LMNTD1: variants seen among roughly 807,000 people sequenced by gnomAD.
LMNTD1 encodes the protein lamin tail domain containing 1.
Under a neutral mutation model 50.9 loss-of-function variants are expected in LMNTD1, and 35 were observed. The ratio of observed to expected loss-of-function variants is 0.69; its 90% CI spans 0.53 to 0.91. LMNTD1 has a LOEUF of 0.91. LMNTD1 is among the 40% of genes least tolerant of loss of function. LMNTD1 has a pLI of 0.00. For synonymous variants in LMNTD1, 153 were observed against 161.9 expected, an observed-to-expected ratio of 0.94 and a Z score of 0.42; for missense variants, 470 against 475.5, an observed-to-expected ratio of 0.99 and a Z score of 0.11.
chr12:25,525,609 GC>G (rs979369624), intron 6 of LMNTD1, among the ~76,000 whole-genome samples: 3 of 152,088 alleles, frequency 2.0e-5, no homozygotes, highest in Admixed American at 6.6e-5. Context: ...TAACTCTTGG[GC>G]CCTTTGACAT....
intron 4 of LMNTD1, among the ~76,000 whole-genome samples, chr12:25,531,491 A>T (rs1332535071): frequency 6.6e-6 from 1 of 152,102 alleles, no homozygotes; most frequent in East Asian, 1.9e-4. Flanking sequence ...GCCAGCCAAT[A>T]TTTTTGTTGT....
intron 9 of LMNTD1, among the ~76,000 whole-genome samples, chr12:25,489,363 A>G (rs1938800956): frequency 6.6e-6 from 1 of 151,396 alleles, no homozygotes; most frequent in South Asian, 2.1e-4. Context: ...TGAAAAGCGC[A>G]ATATTCGGGT....
intron 1 of LMNTD1, among the ~76,000 whole-genome samples, chr12:25,578,846 C>T (rs1945148649): frequency 6.6e-6 from 1 of 152,082 alleles, no homozygotes; most frequent in Non-Finnish European, 1.5e-5. Context: ...ACAATGAAAT[C>T]CAAATAAGCA....
chr12:25,619,246 CTCTCTCTA>C (rs1311373977), intron 1 of LMNTD1, among the ~76,000 whole-genome samples: 2,435 of 75,674 alleles, frequency 0.032, 20 homozygotes, highest in Middle Eastern at 0.041. Flanking sequence ...CTCTCTCTCT[CTCTCTCTA>C]TATATATATA....
At chr12:25,564,430 T>C (rs1229692030) in intron 1 of LMNTD1, among the ~76,000 whole-genome samples, 1 of 152,126 alleles carries the variant, frequency 6.6e-6, no homozygotes, top group African/African-American at 2.4e-5. Context: ...GACTAATTTT[T>C]GTATTTTTAG....
chr12:25,494,083 G>A (rs1209475922), intron 9 of LMNTD1, among the ~76,000 whole-genome samples: 2 of 152,154 alleles, frequency 1.3e-5, no homozygotes, highest in African/African-American at 4.8e-5. Context: ...CTGCATAGTA[G>A]GAGGCATAAG....
At chr12:25,549,302 A>G (rs1461630958) in intron 3 of LMNTD1, 24 bp downstream of exon 3, 9 of 1,347,192 alleles carry the variant, frequency 6.7e-6, no homozygotes, top group Non-Finnish European at 9.5e-6. Context: ...TACTCTAAAA[A>G]TATGGGTTCC....
At chr12:25,627,394 C>T (rs1946612990) in intron 1 of LMNTD1, among the ~76,000 whole-genome samples, 1 of 152,052 alleles carries the variant, frequency 6.6e-6, no homozygotes, top group Admixed American at 6.6e-5. Flanking sequence ...TGACTTTTTT[C>T]CCCAAAGTAC....
chr12:25,484,938 T>C (rs1938573061), intron 9 of LMNTD1, among the ~76,000 whole-genome samples: 2 of 151,648 alleles, frequency 1.3e-5, no homozygotes, highest in Admixed American at 1.3e-4. Context: ...AAGTCTTTGC[T>C]ATTGTGAATA....
At chr12:25,645,431 C>T (rs1437299575) in intron 1 of LMNTD1, among the ~76,000 whole-genome samples, 4 of 152,102 alleles carry the variant, frequency 2.6e-5, no homozygotes, top group Non-Finnish European at 1.5e-5. Flanking sequence ...GACCATTAGA[C>T]ATATTTCCAC....
intron 1 of LMNTD1, among the ~76,000 whole-genome samples, chr12:25,576,938 T>C (rs1455552718): frequency 1.3e-5 from 2 of 152,308 alleles, no homozygotes; most frequent in East Asian, 3.9e-4. Flanking sequence ...GCACCATTTA[T>C]TAAATAGGGA....
chr12:25,526,856 A>G lies in LMNTD1; in HGVS notation c.591T>C (p.His197=). The G allele has an allele frequency of 6.2e-7, 1 of 1,613,340 alleles. No individual in the cohort carries two copies. Among genetic ancestry groups the G allele is most frequent in the Non-Finnish European group, 8.5e-7 (1 of 1,179,418 alleles). The change falls in exon 5 of 10, where the codon CAT becomes CAC. Residue 197 remains histidine, a synonymous_variant. Coordinates refer to ENST00000458174, the MANE Select transcript of LMNTD1 (RefSeq NM_001145728.2). ...SLDKEMAIGD[H]ILQQNVNGQT... is the part of the protein sequence containing the mutation. ...GTCCATTCACATTTTGCTGGAGAAT[A>G]TGATCTCCAATTGCCATTTCTTTGT...
intron 1 of LMNTD1, among the ~76,000 whole-genome samples, chr12:25,597,247 G>C (rs894318679): frequency 1.3e-5 from 2 of 151,920 alleles, no homozygotes; most frequent in East Asian, 3.9e-4. Context: ...GAAAGACATA[G>C]AGTGGCTGAA....
rs576425021 is a variant in LMNTD1, at chr12:25,523,924, A to C, written c.798+2175T>G. On this transcript the variant is annotated intron_variant, in intron 6 of 9. Coordinates refer to ENST00000458174, the MANE Select transcript of LMNTD1 (RefSeq NM_001145728.2). ...TATTGAGAGGCAAGAGCATGCGCAA[A>C]GGCCCTGTGGCATGAAGGAGCAGTC... Among the ~76,000 whole-genome samples, 20 of 152,310 alleles carry C rather than the reference A, an allele frequency of 1.3e-4. No homozygotes were observed. The South Asian group carries it at 2.9e-3, about 22-fold the overall frequency.
At chr12:25,563,390 TAG>T (rs1282981490) in intron 1 of LMNTD1, among the ~76,000 whole-genome samples, 2 of 152,242 alleles carry the variant, frequency 1.3e-5, no homozygotes, top group Admixed American at 6.5e-5. Flanking sequence ...GCAGGTCTGT[TAG>T]AGTTTGCTGG....
At position 25,514,587 on chromosome 12, in the gene LMNTD1, A is replaced by T. The variant is rs141905381; in HGVS notation, c.1189+4208T>A. On this transcript the variant is annotated intron_variant, in intron 8 of 9. Coordinates refer to ENST00000458174, the MANE Select transcript of LMNTD1 (RefSeq NM_001145728.2). ...AAAAAAAAAAGAAAGAATGAATAAG[A>T]CCTACTATTTGATAGTACAATAGGG... 1.8e-3 allele frequency among the ~76,000 whole-genome samples: 266 copies of T among 151,676 alleles called. 1 individual carries two copies. The highest frequency in any genetic ancestry group is 2.2e-3 in the Admixed American group (34 of 15,226).
At chr12:25,543,965 CTTT>C (rs1410109209) in intron 4 of LMNTD1, among the ~76,000 whole-genome samples, 1 of 151,756 alleles carries the variant, frequency 6.6e-6, no homozygotes, top group Non-Finnish European at 1.5e-5. Context: ...ATAATTTTTA[CTTT>C]TTTGATATTT....
In LMNTD1 at chr12:25,617,750, G is replaced by A. The variant is rs535452417; in HGVS notation, c.58+30744C>T. 1.6e-3 allele frequency among the ~76,000 whole-genome samples: 250 copies of A among 152,338 alleles called. 2 individuals carry two copies. Among genetic ancestry groups the A allele is most frequent in the Non-Finnish European group, 2.2e-3 (152 of 68,036 alleles). On this transcript the variant is annotated intron_variant, in intron 1 of 7. Coordinates refer to the LMNTD1 transcript ENST00000445693. ...AGACAGACAAGAAACTCTATCAATT[G>A]CAATGCCACGTGATACACAGGTAAA...
intron 1 of LMNTD1, among the ~76,000 whole-genome samples, chr12:25,598,042 T>A (rs569833912): frequency 6.6e-6 from 1 of 152,074 alleles, no homozygotes; most frequent in Admixed American, 6.6e-5. Flanking sequence ...TAAAGGGAGT[T>A]CCCCTGCACA....
Sources: allele counts gnomAD v4.1 joint callset (sites outside exome capture counted in the v4.1 genomes callset), GRCh38; gene constraint gnomAD v4.1.1; transcripts MANE v1.5; gene names NCBI Gene and HGNC (gene_info 2026-07-23, HGNC 2026-07-21).